Variants in UFSP2 observed in about 807,000 individuals in gnomAD.
UFSP2 encodes the protein ufm1-specific protease 2.
Under a neutral mutation model 60.2 loss-of-function variants are expected in UFSP2, and 43 were observed. The ratio of observed to expected loss-of-function variants is 0.71; its 90% confidence interval spans 0.56 to 0.92. UFSP2 has a LOEUF of 0.92. Ranked by LOEUF, UFSP2 falls within the 40% of genes least tolerant of loss-of-function variation. The probability of loss-of-function intolerance (pLI) is 0.00; values close to 1 mark genes in which losing one functional copy is unlikely to be tolerated. For synonymous variants in UFSP2, 183 were observed against 195.1 expected, an observed-to-expected ratio of 0.94 and a Z score of 0.52; for missense variants, 520 against 575.0, an observed-to-expected ratio of 0.90 and a Z score of 0.98.
rs375507209 is a variant in UFSP2, at chr4:185,408,267, G to A, written c.996+4C>T. The A allele has an allele frequency of 1.2e-6, 2 of 1,613,504 alleles. No homozygotes were observed. Among genetic ancestry groups the A allele is most frequent in the Non-Finnish European group, 1.7e-6 (2 of 1,179,548 alleles). ...ATTATAATTTAAAACGGTATGTTCT[G>A]TACCTGCTGAATTTCTCTGTGTGTT... is the stretch of plus-strand genomic sequence containing the variant. On this transcript the variant is annotated splice_donor_region_variant and intron_variant, in intron 8 of 11. Coordinates refer to ENST00000264689, the MANE Select transcript of UFSP2 (RefSeq NM_018359.5).
intron 10 of UFSP2, among the ~76,000 whole-genome samples, chr4:185,404,288 A>G (rs2095517304): frequency 7.4e-6 from 1 of 135,598 alleles, no homozygotes; most frequent in Non-Finnish European, 1.5e-5. Flanking sequence ...CACTCCATTC[A>G]TTAAGTTTTT....
Position 185,415,690 on chromosome 4 carries a change from G to A in UFSP2, c.491+20C>T, listed in dbSNP as rs774825504. 4.4e-6 allele frequency: 7 copies of A among 1,594,816 alleles called. No individual in the cohort carries two copies. The East Asian group carries it at 1.4e-4, about 31-fold the overall frequency. Reference sequence around the variant, plus strand: ...AGGGCCCTCATTCAAATGTGGCAGTGGTACTATAAAAATACTTACTTTCCC... The same window carrying A: ...AGGGCCCTCATTCAAATGTGGCAGTAGTACTATAAAAATACTTACTTTCCC... On this transcript the variant is annotated intron_variant, in intron 5 of 11. Coordinates refer to ENST00000264689, the MANE Select transcript of UFSP2 (RefSeq NM_018359.5).
intron 7 of UFSP2, 33 bp from the exon 8 acceptor site, chr4:185,408,468 A>T: frequency 1.3e-6 from 2 of 1,596,328 alleles, no homozygotes; most frequent in Non-Finnish European, 1.7e-6. Context: ...GTAAAATATT[A>T]ACTTAGGATA....
At chr4:185,414,249 A>T (rs1322782882) in intron 6 of UFSP2, among the ~76,000 whole-genome samples, 2 of 152,226 alleles carry the variant, frequency 1.3e-5, no homozygotes, top group Non-Finnish European at 2.9e-5. Flanking sequence ...TAATTATATC[A>T]AAGTATTTTG....
Position 185,399,764 on chromosome 4 carries a change from G to A in UFSP2, c.*628C>T, listed in dbSNP as rs2126872710. 6.2e-7 allele frequency: 1 copy of A among 1,614,064 alleles called. No individual in the cohort carries two copies. The highest frequency in any genetic ancestry group is 8.5e-7 in the Non-Finnish European group (1 of 1,179,988). On this transcript the variant is annotated 3_prime_UTR_variant, in exon 12 of 12. Coordinates refer to ENST00000264689, the MANE Select transcript of UFSP2 (RefSeq NM_018359.5). ...AGTGTAGAAAATACCAGTGGGAAAA[G>A]GAAGTGCTGGTAAGTAACTCAGAGC...
intron 4 of UFSP2, among the ~76,000 whole-genome samples, chr4:185,418,097 A>G (rs2095542486): frequency 7.7e-6 from 1 of 129,278 alleles, no homozygotes; most frequent in Non-Finnish European, 1.7e-5. Context: ...AGTGTGAAGA[A>G]AAATAAATCA....
Position 185,422,468 on chromosome 4 carries a change from T to C in UFSP2, c.82+17A>G, listed in dbSNP as rs1304229539. On this transcript the variant is annotated intron_variant, in intron 2 of 11. Transcript: ENST00000264689. ...CTATCAATTTTCTAATAAAAAAGAATTTTTCAGAAGACCTACCATTAGGAG... is the reference window on the plus strand; with the variant it reads ...CTATCAATTTTCTAATAAAAAAGAACTTTTCAGAAGACCTACCATTAGGAG... 2.5e-6 allele frequency: 4 copies of C among 1,587,370 alleles called. No individual in the cohort carries two copies. In the African/African-American group the frequency reaches 5.5e-5, roughly 22 times the overall value.
At chr4:185,406,059 A>C (rs757688540) in intron 9 of UFSP2, 119 of 1,118,904 alleles carry the variant, frequency 1.1e-4, no homozygotes, top group Admixed American at 3.0e-4. Flanking sequence ...ACTTAAGGCC[A>C]CCAAGTGTGC....
At position 185,399,547 on chromosome 4, in the gene UFSP2, C is replaced by T; in HGVS notation, c.*845G>A. ...GACTTAAGTTCAATGTTTCATTTCA[C>T]TCCGTTTTTATCCTGTTTTCAGTTT... is the stretch of plus-strand genomic sequence containing the variant. On this transcript the variant is annotated 3_prime_UTR_variant, in exon 12 of 12. Transcript: ENST00000264689. 1 of 1,611,994 alleles carries T rather than the reference C, an allele frequency of 6.2e-7. No individual in the cohort carries two copies. The highest frequency in any genetic ancestry group is 8.5e-7 in the Non-Finnish European group (1 of 1,178,324).
intron 9 of UFSP2, among the ~76,000 whole-genome samples, 166 bp downstream of exon 9, chr4:185,407,768 GAA>G (rs957940921): frequency 6.6e-6 from 1 of 150,572 alleles, no homozygotes; most frequent in East Asian, 1.9e-4. Flanking sequence ...AAAAAAAAAT[GAA>G]AAAAAATTAA....
intron 7 of UFSP2, among the ~76,000 whole-genome samples, chr4:185,413,133 T>C (rs1341987964): frequency 2.0e-5 from 3 of 152,092 alleles, no homozygotes; most frequent in Admixed American, 1.3e-4. Flanking sequence ...GGTGAAATCC[T>C]GTCTCTACTA....
At position 185,400,321 on chromosome 4, in the gene UFSP2, A is replaced by G; in HGVS notation, c.*71T>C. On this transcript the variant is annotated 3_prime_UTR_variant, in exon 12 of 12. Coordinates refer to ENST00000264689, the MANE Select transcript of UFSP2 (RefSeq NM_018359.5). ...CAAACTAGAACCAGGATTTAATGTG[A>G]AAAATTAAACTGATTCTTTATTCAC... 1 of 1,283,312 alleles carries G rather than the reference A, an allele frequency of 7.8e-7. No individual in the cohort carries two copies. The highest frequency in any genetic ancestry group is 1.3e-5 in the South Asian group (1 of 75,634). 79.5% of individuals were successfully genotyped at this position (1,283,312 alleles called of 1,614,324 possible). A position where few individuals can be genotyped will look rare whatever the true frequency, so the allele number is the denominator to read the frequency against.
intron 1 of UFSP2, among the ~76,000 whole-genome samples, chr4:185,424,672 CCAAA>C (rs1363397973): frequency 5.3e-5 from 8 of 152,022 alleles, no homozygotes; most frequent in East Asian, 1.9e-4. Flanking sequence ...AAGAATACTA[CCAAA>C]CAAACTAGTA....
chr4:185,416,650 T>C (rs2095539262), intron 4 of UFSP2, among the ~76,000 whole-genome samples: 1 of 152,074 alleles, frequency 6.6e-6, no homozygotes, highest in African/African-American at 2.4e-5. Context: ...TGTGTGCCCA[T>C]GGAAAAATGA....
rs1223867526 is a variant in UFSP2, at chr4:185,399,700, G to A, written c.*692C>T. On this transcript the variant is annotated 3_prime_UTR_variant, in exon 12 of 12. Coordinates refer to ENST00000264689, the MANE Select transcript of UFSP2 (RefSeq NM_018359.5). ...AGCAAGTGAACACCCTGACAGGAATGATTGTGTTGCCGTGCTCAGACAGAA... is the reference window on the plus strand; with the variant it reads ...AGCAAGTGAACACCCTGACAGGAATAATTGTGTTGCCGTGCTCAGACAGAA... 6.2e-7 allele frequency: 1 copy of A among 1,614,146 alleles called. No homozygotes were observed. The highest frequency in any genetic ancestry group is 1.1e-5 in the South Asian group (1 of 91,060).
At chr4:185,411,212 AATAACTT>A (rs2095528814) in intron 7 of UFSP2, among the ~76,000 whole-genome samples, 2 of 151,956 alleles carry the variant, frequency 1.3e-5, no homozygotes, top group Non-Finnish European at 2.9e-5. Context: ...AACCTAGGTA[AATAACTT>A]ATAAAAATCA....
At chr4:185,408,505 G>A (rs1295518072) in intron 7 of UFSP2, 70 bp from the exon 8 acceptor site, 34 of 1,449,386 alleles carry the variant, frequency 2.3e-5, no homozygotes, top group African/African-American at 8.5e-5. Flanking sequence ...ATATGCTCCC[G>A]AATTATGTTT....
Position 185,415,364 on chromosome 4 carries a change from A to AT in UFSP2, c.492-18dup. On this transcript the variant is annotated splice_polypyrimidine_tract_variant and intron_variant, in intron 5 of 11. Transcript: ENST00000264689. ...TTACGAACTCTGTGGGGGGAAATAT[A>AT]TAAGTGTATTAACAAAAGTTATAGT... 6.5e-7 allele frequency: 1 copy of AT among 1,546,676 alleles called. No homozygotes were observed. Among genetic ancestry groups the AT allele is most frequent in the Non-Finnish European group, 8.7e-7 (1 of 1,154,730 alleles).
rs143266705 is a variant in UFSP2, at chr4:185,408,060, C to T, written c.997G>A (p.Ala333Thr). ...GGTTTGTCCCCGGCATCGACTAGAG[C>T]CTTGATGTATTTAAAAATATAAAAC... ...SIPTHREIQQ[A>T]LVDAGDKPAT... Residue 333 changes from alanine to threonine, a missense_variant and splice_region_variant, in exon 9 of 12, where the codon GCT becomes ACT. Coordinates refer to ENST00000264689, the MANE Select transcript of UFSP2 (RefSeq NM_018359.5). 7.3e-5 allele frequency: 118 copies of T among 1,613,140 alleles called. No homozygotes were observed. In the African/African-American group the frequency reaches 1.5e-3, roughly 20 times the overall value.
Sources: allele counts gnomAD v4.1 joint callset (sites outside exome capture counted in the v4.1 genomes callset), GRCh38; gene constraint gnomAD v4.1.1; transcripts MANE v1.5; gene names NCBI Gene and HGNC (gene_info 2026-07-23, HGNC 2026-07-21).